BLK: variants seen among roughly 807,000 people sequenced by gnomAD.
The protein encoded by BLK is BLK proto-oncogene, Src family tyrosine kinase, also known as tyrosine-protein kinase Blk.
Under a neutral mutation model 61.8 loss-of-function variants are expected in BLK, and 64 were observed. That is an observed-to-expected ratio of 1.03 (90% CI 0.85 to 1.27). The LOEUF is 1.27. Among genes scored for constraint, BLK ranks in the 50% most tolerant of loss-of-function variants. The pLI, the probability that BLK is intolerant of heterozygous loss-of-function variation, is 0.00. For synonymous variants in BLK, 351 were observed against 272.0 expected (o/e 1.29, Z -2.86); for missense variants, 853 against 660.5 (o/e 1.29, Z -3.19).
chr8:11,495,773 G>A (rs796070165), intron 1 of BLK, among the ~76,000 whole-genome samples: 4 of 152,258 alleles, frequency 2.6e-5, no homozygotes, highest in African/African-American at 9.6e-5. Context: ...TGGAAAAATA[G>A]GTGAAATTTT....
chr8:11,518,699 T>TA (rs1188379770), intron 1 of BLK, among the ~76,000 whole-genome samples: 1 of 152,080 alleles, frequency 6.6e-6, no homozygotes, highest in Non-Finnish European at 1.5e-5. Flanking sequence ...AGCTCCTCCT[T>TA]AAAACCATAC....
intron 3 of BLK, among the ~76,000 whole-genome samples, chr8:11,546,590 T>A (rs1419595261): frequency 1.3e-5 from 2 of 152,080 alleles, no homozygotes; most frequent in Non-Finnish European, 2.9e-5. Context: ...CTTGGTTTTT[T>A]TTGAGACAGA....
intron 1 of BLK, among the ~76,000 whole-genome samples, chr8:11,535,316 G>GA: frequency 8.1e-6 from 1 of 122,874 alleles, no homozygotes; most frequent in Non-Finnish European, 1.9e-5. Flanking sequence ...AAGAAAGAAA[G>GA]AAAGAAAGAG....
intron 1 of BLK, among the ~76,000 whole-genome samples, chr8:11,508,122 C>T (rs1021748456): frequency 1.3e-5 from 2 of 152,196 alleles, no homozygotes; most frequent in East Asian, 1.9e-4. Flanking sequence ...AGGACTAGAG[C>T]CAAAGTGCAG....
Position 11,563,966 on chromosome 8 carries a change from C to T in BLK, c.1376C>T (p.Thr459Ile). 6.2e-7 allele frequency: 1 copy of T among 1,606,722 alleles called. No homozygotes were observed. The highest frequency in any genetic ancestry group is 8.5e-7 in the Non-Finnish European group (1 of 1,179,330). Reference sequence around the variant, plus strand: ...GGCTACCGCATGCCGCGCCCCGACACCTGCCCGCCCGAGCTGTACCGCGGC... The same window carrying T: ...GGCTACCGCATGCCGCGCCCCGACATCTGCCCGCCCGAGCTGTACCGCGGC... ...ERGYRMPRPD[T>I]CPPELYRGVI... Residue 459 changes from threonine to isoleucine, a missense_variant, in exon 13 of 13, where the codon ACC becomes ATC. Physicochemically the swap from Thr to Ile is moderately conservative, Grantham distance 89. Transcript: ENST00000259089.
At chr8:11,534,343 A>C (rs942587141) in intron 1 of BLK, among the ~76,000 whole-genome samples, 2 of 152,244 alleles carry the variant, frequency 1.3e-5, no homozygotes, top group African/African-American at 4.8e-5. Flanking sequence ...CATATTGCTA[A>C]CATATTTTAA....
chr8:11,530,748 C>T (rs577107014), intron 1 of BLK, among the ~76,000 whole-genome samples: 14 of 152,180 alleles, frequency 9.2e-5, no homozygotes, highest in African/African-American at 2.6e-4. Flanking sequence ...AGTGAAAAGT[C>T]GAAAAGATTT....
chr8:11,514,417 CG>C (rs1563429739), intron 1 of BLK, among the ~76,000 whole-genome samples: 1 of 152,204 alleles, frequency 6.6e-6, no homozygotes, highest in African/African-American at 2.4e-5. Flanking sequence ...GCAAGAGCCC[CG>C]CAATGGCCTC....
At chr8:11,549,233 A>C (rs543495720) in intron 5 of BLK, 111 bp downstream of exon 5, 32 of 956,986 alleles carry the variant, frequency 3.3e-5, no homozygotes, top group Non-Finnish European at 4.8e-5. Context: ...GCCTGCAGGC[A>C]CTAGCAAAGA....
Position 11,564,374 on chromosome 8 carries a change from C to T in BLK, c.*266C>T, listed in dbSNP as rs1235655898. ...TCGCACGGTCATCCGGAGTACTAAG[C>T]CCCAGTAAGGTGTTCAGGACTGGTA... On this transcript the variant is annotated 3_prime_UTR_variant, in exon 13 of 13. Transcript: ENST00000259089. The T allele has an allele frequency of 5.4e-5, 37 of 680,702 alleles. No homozygotes were observed. The highest frequency in any genetic ancestry group is 9.2e-5 in the Non-Finnish European group (34 of 371,222). The allele number at this position is 680,702 out of a possible 1,614,324, so 42.2% of individuals were successfully genotyped here.
At chr8:11,529,869 G>A (rs2618440) in intron 1 of BLK, among the ~76,000 whole-genome samples, 2,589 of 152,196 alleles carry the variant, frequency 0.017, 43 homozygotes, top group African/African-American at 0.045. Flanking sequence ...CTAGCTTCAG[G>A]AGTCCCTGTA....
intron 1 of BLK, among the ~76,000 whole-genome samples, chr8:11,507,313 C>A (rs1250060568): frequency 6.6e-6 from 1 of 152,190 alleles, no homozygotes. Context: ...GAATGTCCTA[C>A]CTTCCCACCT....
In BLK at chr8:11,563,130, G is replaced by C; in HGVS notation, c.1312+20G>C. 1 of 1,613,410 alleles carries C rather than the reference G, an allele frequency of 6.2e-7. No homozygotes were observed. Among genetic ancestry groups the C allele is most frequent in the Non-Finnish European group, 8.5e-7 (1 of 1,179,938 alleles). On this transcript the variant is annotated intron_variant, in intron 12 of 12. Transcript: ENST00000259089. ...ACCCAGGTAGGTGGCTCACCCCGCA[G>C]CTCGCGGCTCCCTGCTTTCCCGGCC...
intron 1 of BLK, among the ~76,000 whole-genome samples, chr8:11,525,193 G>T: frequency 6.6e-6 from 1 of 152,244 alleles, no homozygotes; most frequent in Middle Eastern, 3.4e-3. Context: ...GCACACAGAC[G>T]TATTTGCTTT....
At chr8:11,539,909 C>A (rs898678167) in intron 1 of BLK, among the ~76,000 whole-genome samples, 25 of 152,190 alleles carry the variant, frequency 1.6e-4, no homozygotes, top group African/African-American at 5.8e-4. Flanking sequence ...CAATATACTT[C>A]CTGTCAAAAG....
chr8:11,549,413 C>G lies in BLK; in HGVS notation c.368+291C>G, dbSNP rs916161247. ...CAGTGTCTGATGGCCTCGAAGGCTA[C>G]CAGGGAGGCACTATGACCAGCATCC... is the stretch of plus-strand genomic sequence containing the variant. On this transcript the variant is annotated intron_variant, in intron 5 of 12. Transcript: ENST00000259089. Among the ~76,000 whole-genome samples, 11 of 152,350 alleles carry G rather than the reference C, an allele frequency of 7.2e-5. No homozygotes were observed. The East Asian group carries it at 1.9e-3, about 27-fold the overall frequency.
Position 11,555,497 on chromosome 8 carries a change from A to C in BLK, c.772+13A>C, listed in dbSNP as rs1178258982. 1.2e-6 allele frequency: 2 copies of C among 1,614,034 alleles called. No homozygotes were observed. The highest frequency in any genetic ancestry group is 2.2e-5 in the East Asian group (1 of 44,874). On this transcript the variant is annotated intron_variant, in intron 8 of 12. Coordinates refer to ENST00000259089, the MANE Select transcript of BLK (RefSeq NM_001715.3). ...GAAGTCTGGATGGGTGAGTGTGTGCACACGTGGGAGCATTTCTCCCCCCAT... is the reference window on the plus strand; with the variant it reads ...GAAGTCTGGATGGGTGAGTGTGTGCCCACGTGGGAGCATTTCTCCCCCCAT...
At chr8:11,520,084 G>C (rs1310031058) in intron 1 of BLK, among the ~76,000 whole-genome samples, 2 of 152,062 alleles carry the variant, frequency 1.3e-5, no homozygotes, top group African/African-American at 4.8e-5. Context: ...AATTAATATA[G>C]AGTCAAAAAT....
intron 1 of BLK, among the ~76,000 whole-genome samples, chr8:11,521,727 C>A (rs1187462831): frequency 6.6e-6 from 1 of 152,206 alleles, no homozygotes; most frequent in Admixed American, 6.5e-5. Context: ...ACGCACAGTG[C>A]CTCCCCGGCA....
Sources: gnomAD v4.1 joint callset for allele counts (sites outside exome capture counted in the v4.1 genomes callset) on GRCh38, gnomAD v4.1.1 for gene constraint, MANE v1.5 for transcripts, NCBI Gene and HGNC (gene_info 2026-07-23, HGNC 2026-07-21) for gene names.